SGCZ: variants seen among roughly 807,000 people sequenced by gnomAD.
SGCZ encodes zeta-sarcoglycan.
SGCZ carries 40 observed loss-of-function variants against 41.3 expected under a neutral mutation model. The observed-to-expected ratio is 0.97, with a 90% CI of 0.75 to 1.26. SGCZ has a LOEUF of 1.26. SGCZ is among the 50% of genes most tolerant of loss of function. The pLI, the probability that SGCZ is intolerant of heterozygous loss-of-function variation, is 0.00. For missense variants in SGCZ, 552 were observed against 369.8 expected, an observed-to-expected ratio of 1.49 and a Z score of -4.04; for synonymous variants, 206 against 137.5, an observed-to-expected ratio of 1.50 and a Z score of -3.49.
At chr8:14,726,918 A>T (rs1462922517) in intron 1 of SGCZ, among the ~76,000 whole-genome samples, 1 of 152,134 alleles carries the variant, frequency 6.6e-6, no homozygotes, top group Non-Finnish European at 1.5e-5. Context: ...AAGGTAAAAA[A>T]CTTATGAGCT....
intron 2 of SGCZ, among the ~76,000 whole-genome samples, chr8:14,442,184 A>G (rs539746962): frequency 6.6e-6 from 1 of 152,340 alleles, no homozygotes; most frequent in Non-Finnish European, 1.5e-5. Context: ...CTCAGATTGT[A>G]GCTCACAAAA....
At chr8:14,153,647 G>T (rs975992412) in intron 5 of SGCZ, among the ~76,000 whole-genome samples, 4 of 152,208 alleles carry the variant, frequency 2.6e-5, no homozygotes, top group South Asian at 2.1e-4. Context: ...TTGGAATTCA[G>T]CTACTATAAA....
chr8:14,820,801 A>C (rs767517742), intron 1 of SGCZ, among the ~76,000 whole-genome samples: 8 of 151,898 alleles, frequency 5.3e-5, no homozygotes, highest in Non-Finnish European at 1.2e-4. Context: ...ACAAAAAGGG[A>C]AACAACAAAA....
chr8:14,527,549 T>G (rs1461860), intron 2 of SGCZ, among the ~76,000 whole-genome samples: 1 of 149,806 alleles, frequency 6.7e-6, no homozygotes, highest in African/African-American at 2.5e-5. Flanking sequence ...CACCTTTTTT[T>G]AAAAAAACAT....
At chr8:14,742,374 C>G (rs967677234) in intron 1 of SGCZ, among the ~76,000 whole-genome samples, 7 of 151,984 alleles carry the variant, frequency 4.6e-5, no homozygotes, top group Admixed American at 1.3e-4. Flanking sequence ...CTTTAAAACT[C>G]AACAAAAATT....
rs1476482112 is a variant in SGCZ, at chr8:14,361,118, G to GCTTT, written c.235-36915_235-36914insAAAG. ...AAATGTCTCTTCATGTCTTGGACTCGCTAATTGGATTGTTTCTTTGTTAAG... is the reference window on the plus strand; with the variant it reads ...AAATGTCTCTTCATGTCTTGGACTCGCTTTCTAATTGGATTGTTTCTTTGTTAAG... On this transcript the variant is annotated intron_variant, in intron 2 of 7. Coordinates refer to ENST00000382080, the MANE Select transcript of SGCZ (RefSeq NM_139167.4). Among the ~76,000 whole-genome samples the GCTTT allele has an allele frequency of 2.6e-5, 4 of 152,066 alleles. No individual in the cohort carries two copies. In the East Asian group the frequency reaches 7.7e-4, roughly 29 times the overall value.
chr8:15,166,952 C>T (rs1799683358), intron 1 of SGCZ, among the ~76,000 whole-genome samples: 2 of 152,086 alleles, frequency 1.3e-5, no homozygotes, highest in African/African-American at 4.8e-5. Context: ...ACTAAATGGA[C>T]TGAACTCAGG....
At chr8:14,289,435 G>T (rs9643916) in intron 3 of SGCZ, among the ~76,000 whole-genome samples, 4 of 151,662 alleles carry the variant, frequency 2.6e-5, no homozygotes, top group African/African-American at 9.7e-5. Flanking sequence ...TCCTTTATGA[G>T]ACAATTGTTC....
intron 1 of SGCZ, among the ~76,000 whole-genome samples, chr8:15,130,205 C>A (rs765237094): frequency 6.6e-6 from 1 of 152,098 alleles, no homozygotes; most frequent in Non-Finnish European, 1.5e-5. Context: ...TCCTGGCGAG[C>A]TGCAAAAACT....
At chr8:14,723,222 A>T (rs139042473) in intron 1 of SGCZ, among the ~76,000 whole-genome samples, 2 of 152,330 alleles carry the variant, frequency 1.3e-5, no homozygotes, top group East Asian at 1.9e-4. Context: ...TCAGAGAGAA[A>T]ATGCAGAATG....
intron 2 of SGCZ, among the ~76,000 whole-genome samples, chr8:14,338,019 A>T (rs557033094): frequency 6.6e-6 from 1 of 152,306 alleles, no homozygotes; most frequent in South Asian, 2.1e-4. Flanking sequence ...TGTTTCTTCA[A>T]CAAAGGTCCT....
At chr8:14,380,064 T>C (rs1024837212) in intron 2 of SGCZ, among the ~76,000 whole-genome samples, 1 of 152,166 alleles carries the variant, frequency 6.6e-6, no homozygotes, top group African/African-American at 2.4e-5. Flanking sequence ...CTTCTGACTA[T>C]ATTAATATTG....
rs552118590 is a variant in SGCZ at position 14,564,236 on chromosome 8, C to G, written c.40-9310G>C. On this transcript the variant is annotated intron_variant, in intron 1 of 7. Transcript: ENST00000382080. ...GCAAATTTAATCTGGATTCCAAAAC[C>G]TCTTCAGTTCCTTACTGGGAGTGTT... Among the ~76,000 whole-genome samples, 6 of 152,196 alleles carry G rather than the reference C, an allele frequency of 3.9e-5. No individual in the cohort carries two copies. In the South Asian group the frequency reaches 8.3e-4, roughly 21 times the overall value.
intron 4 of SGCZ, among the ~76,000 whole-genome samples, chr8:14,226,821 A>G (rs1806388649): frequency 6.6e-6 from 1 of 152,136 alleles, no homozygotes; most frequent in South Asian, 2.1e-4. Flanking sequence ...TCCTAGCAGC[A>G]GGAGTATAAA....
intron 1 of SGCZ, among the ~76,000 whole-genome samples, chr8:14,596,837 T>C (rs1040499547): frequency 6.6e-6 from 1 of 151,920 alleles, no homozygotes; most frequent in Non-Finnish European, 1.5e-5. Context: ...TAGAGTAAAA[T>C]AAAAAATAAT....
chr8:14,199,177 C>T (rs1456644457), intron 4 of SGCZ, among the ~76,000 whole-genome samples: 1 of 152,190 alleles, frequency 6.6e-6, no homozygotes, highest in African/African-American at 2.4e-5. Flanking sequence ...TTTTTCTCAG[C>T]AAGGAACATC....
intron 1 of SGCZ, among the ~76,000 whole-genome samples, chr8:15,005,328 CTTTTTTTTT>C (rs10603664): frequency 7.6e-5 from 6 of 78,736 alleles, no homozygotes; most frequent in African/African-American, 3.0e-4. Flanking sequence ...TTTTCTTTTT[CTTTTTTTTT>C]TTTTTTTTTT....
intron 1 of SGCZ, among the ~76,000 whole-genome samples, chr8:14,961,746 G>A (rs1432513906): frequency 1.3e-5 from 2 of 152,066 alleles, no homozygotes; most frequent in African/African-American, 4.8e-5. Flanking sequence ...AAGAGAAAAG[G>A]CACGAATAAA....
At chr8:15,057,980 A>G (rs1804777455) in intron 1 of SGCZ, among the ~76,000 whole-genome samples, 1 of 152,192 alleles carries the variant, frequency 6.6e-6, no homozygotes, top group African/African-American at 2.4e-5. Flanking sequence ...CGGTGCAGCA[A>G]GCTGAATTTT....
Sources: gnomAD v4.1 joint callset for allele counts (sites outside exome capture counted in the v4.1 genomes callset) on GRCh38, gnomAD v4.1.1 for gene constraint, MANE v1.5 for transcripts, NCBI Gene and HGNC (gene_info 2026-07-23, HGNC 2026-07-21) for gene names.